The following DENND5B variants were observed in gnomAD, a reference collection of about 807,000 sequenced individuals.
DENND5B encodes DENN domain containing 5B.
A neutral mutation model predicts 140.6 loss-of-function variants in DENND5B; 34 were observed. The ratio of observed to expected loss-of-function variants is 0.24; its 90% CI spans 0.18 to 0.32. The LOEUF (loss-of-function observed/expected upper bound fraction) is 0.32. Among genes scored for constraint, DENND5B ranks in the 10% least tolerant of loss-of-function variants. DENND5B has a pLI of 1.00. For missense variants in DENND5B, 1,142 were observed against 1,560.2 expected (o/e 0.73, Z 4.52); for synonymous variants, 551 against 562.1 (o/e 0.98, Z 0.28).
intron 1 of DENND5B, among the ~76,000 whole-genome samples, chr12:31,552,632 G>C (rs1949113496): frequency 6.6e-6 from 1 of 152,198 alleles, no homozygotes; most frequent in Non-Finnish European, 1.5e-5. Flanking sequence ...AGTTTCAGAA[G>C]GAATGGTACC....
At chr12:31,426,265 C>T in intron 9 of DENND5B, 28 bp downstream of exon 9, 1 of 1,591,260 alleles carries the variant, frequency 6.3e-7, no homozygotes, top group Non-Finnish European at 8.6e-7. Context: ...TGAATGCACA[C>T]TGTCTGGCAT....
At chr12:31,493,418 G>A (rs961721759) in intron 2 of DENND5B, among the ~76,000 whole-genome samples, 1 of 152,192 alleles carries the variant, frequency 6.6e-6, no homozygotes, top group Non-Finnish European at 1.5e-5. Flanking sequence ...AAGAGGCCGG[G>A]TGCAGTGGCT....
chr12:31,465,369 G>C (rs1010596205), intron 3 of DENND5B: 2 of 152,526 alleles, frequency 1.3e-5, no homozygotes, highest in Non-Finnish European at 2.9e-5. Flanking sequence ...TGCTGTGACT[G>C]ATTATTTTTT....
At chr12:31,439,553 G>A (rs1943930257) in intron 7 of DENND5B, among the ~76,000 whole-genome samples, 1 of 151,614 alleles carries the variant, frequency 6.6e-6, no homozygotes, top group African/African-American at 2.4e-5. Flanking sequence ...ATAAACTCGT[G>A]GTGACTAGGA....
intron 15 of DENND5B, among the ~76,000 whole-genome samples, chr12:31,400,889 C>T (rs182367733): frequency 6.8e-6 from 1 of 146,822 alleles, no homozygotes; most frequent in Non-Finnish European, 1.5e-5. Flanking sequence ...GTTGCCCAGG[C>T]TGGAGTGCAA....
intron 1 of DENND5B, among the ~76,000 whole-genome samples, chr12:31,565,836 T>A (rs1949607235): frequency 2.0e-5 from 3 of 152,262 alleles, no homozygotes; most frequent in South Asian, 4.1e-4. Flanking sequence ...CATATTTGAC[T>A]GGCTATAAAA....
chr12:31,548,038 C>T (rs1303605021), intron 1 of DENND5B, among the ~76,000 whole-genome samples: 3 of 152,080 alleles, frequency 2.0e-5, no homozygotes, highest in Admixed American at 6.6e-5. Context: ...TGTCTTCTTT[C>T]GCTTAAAACG....
chr12:31,501,742 C>T (rs574326347), intron 1 of DENND5B, among the ~76,000 whole-genome samples: 16 of 141,032 alleles, frequency 1.1e-4, no homozygotes, highest in African/African-American at 4.2e-4. Context: ...CACTGCACTC[C>T]AGCCTGGGCA....
chr12:31,567,865 G>A (rs1949684177), intron 1 of DENND5B, among the ~76,000 whole-genome samples: 1 of 152,098 alleles, frequency 6.6e-6, no homozygotes, highest in African/African-American at 2.4e-5. Flanking sequence ...CTATTTTTAG[G>A]GGGTTGTTTT....
At chr12:31,419,016 T>C (rs1422890709) in intron 11 of DENND5B, among the ~76,000 whole-genome samples, 2 of 152,152 alleles carry the variant, frequency 1.3e-5, no homozygotes. Context: ...AATTTATTAG[T>C]GACTCTGGAG....
At chr12:31,499,809 C>T in intron 1 of DENND5B, 1 of 574,618 alleles carries the variant, frequency 1.7e-6, no homozygotes, top group South Asian at 3.9e-5. Flanking sequence ...TAGAATGTAG[C>T]TTAACACCAA....
chr12:31,534,974 T>A (rs1948430110), intron 1 of DENND5B: 1 of 251,066 alleles, frequency 4.0e-6, no homozygotes, highest in African/African-American at 2.6e-5. Flanking sequence ...CTTGGGAGGC[T>A]GAGGCAGGAA....
At chr12:31,451,830 T>C in intron 5 of DENND5B, 110 bp downstream of exon 5, 1 of 1,315,420 alleles carries the variant, frequency 7.6e-7, no homozygotes, top group South Asian at 1.5e-5. Flanking sequence ...GTTAACAAAA[T>C]CAATAATATA....
intron 14 of DENND5B, among the ~76,000 whole-genome samples, chr12:31,405,547 TATGTATGTATG>T (rs1479982865): frequency 2.0e-5 from 3 of 151,820 alleles, no homozygotes; most frequent in African/African-American, 7.3e-5. Flanking sequence ...TGTATGTATG[TATGTATGTATG>T]TATTTTTGAG....
intron 1 of DENND5B, among the ~76,000 whole-genome samples, chr12:31,564,086 C>G (rs1949555303): frequency 6.6e-6 from 1 of 152,118 alleles, no homozygotes. Flanking sequence ...CCACTGCACT[C>G]CAGCCTGGGC....
chr12:31,434,616 G>A (rs1943660839), intron 7 of DENND5B, among the ~76,000 whole-genome samples: 1 of 152,152 alleles, frequency 6.6e-6, no homozygotes, highest in African/African-American at 2.4e-5. Flanking sequence ...CCAGCTTAGT[G>A]TGTAAGACTC....
chr12:31,560,646 C>G (rs540000738), intron 1 of DENND5B, among the ~76,000 whole-genome samples: 2 of 152,294 alleles, frequency 1.3e-5, no homozygotes, highest in South Asian at 4.1e-4. Context: ...ATGGCTCCCC[C>G]CATTCTCTTA....
intron 1 of DENND5B, among the ~76,000 whole-genome samples, chr12:31,554,224 G>T (rs1001993062): frequency 6.6e-6 from 1 of 152,036 alleles, no homozygotes; most frequent in Non-Finnish European, 1.5e-5. Context: ...TCCATGTTTA[G>T]TGCTTCCTTC....
intron 5 of DENND5B, among the ~76,000 whole-genome samples, chr12:31,450,583 CT>C (rs1268513573): frequency 1.3e-5 from 2 of 152,106 alleles, no homozygotes; most frequent in Non-Finnish European, 2.9e-5. Context: ...TCTCACACTC[CT>C]GGCCTCAAAT....
Sources: allele counts gnomAD v4.1 joint callset (sites outside exome capture counted in the v4.1 genomes callset), GRCh38; gene constraint gnomAD v4.1.1; transcripts MANE v1.5; gene names NCBI Gene and HGNC (gene_info 2026-07-23, HGNC 2026-07-21).